Variants in NECAB2 observed in about 807,000 individuals in gnomAD.
The protein encoded by NECAB2 is N-terminal EF-hand calcium binding protein 2.
NECAB2 carries 68 observed loss-of-function variants against 51.9 expected under a neutral mutation model. That is an observed-to-expected ratio of 1.31 (90% CI 1.08 to 1.60). The LOEUF is 1.60. NECAB2 is among the 40% of genes most tolerant of loss of function. NECAB2 has a pLI of 0.00. For missense variants in NECAB2, 854 were observed against 490.3 expected (o/e 1.74, Z -7.00); for synonymous variants, 329 against 203.5 (o/e 1.62, Z -5.25).
intron 5 of NECAB2, among the ~76,000 whole-genome samples, chr16:83,985,826 A>T (rs1293670642): frequency 1.3e-5 from 2 of 152,016 alleles, no homozygotes; most frequent in Non-Finnish European, 2.9e-5. Flanking sequence ...TTTCCATTAC[A>T]TTTGTGTTTG....
chr16:83,967,810 G>A (rs1199604049), upstream of NECAB2, among the ~76,000 whole-genome samples: 2 of 148,830 alleles, frequency 1.3e-5, no homozygotes, highest in Admixed American at 6.7e-5. Context: ...AGGATGAGTG[G>A]GTGGGTGAAT....
chr16:83,993,981 TC>T (rs1453018077), intron 6 of NECAB2, among the ~76,000 whole-genome samples: 1 of 152,122 alleles, frequency 6.6e-6, no homozygotes, highest in Non-Finnish European at 1.5e-5. Flanking sequence ...CCCGAAAGCT[TC>T]GAGCTGTTAG....
chr16:83,997,048 G>A (rs563827043), intron 8 of NECAB2, among the ~76,000 whole-genome samples, 168 bp from the exon 9 acceptor site: 12 of 150,464 alleles, frequency 8.0e-5, no homozygotes, highest in South Asian at 2.1e-4. Flanking sequence ...TAGGCCCCCT[G>A]TAGGCCAGAG....
chr16:83,990,894 C>T (rs1038191753), intron 6 of NECAB2, among the ~76,000 whole-genome samples: 1 of 152,102 alleles, frequency 6.6e-6, no homozygotes, highest in African/African-American at 2.4e-5. Flanking sequence ...AGTGAAGACA[C>T]CATTTCCCAG....
chr16:83,985,377 G>C (rs113780028), intron 5 of NECAB2, among the ~76,000 whole-genome samples: 8,733 of 136,310 alleles, frequency 0.064, 311 homozygotes, highest in Middle Eastern at 0.17. Context: ...GCTCACACCT[G>C]TAATCCCAGC....
chr16:83,966,054 GACCA>G, upstream of NECAB2: 2 of 1,382,362 alleles, frequency 1.4e-6, no homozygotes, highest in Non-Finnish European at 1.9e-6. Flanking sequence ...GGACAGAGAT[GACCA>G]CATCCCTGCT....
rs553894476 is a variant in NECAB2, at chr16:83,999,669, A to G, written c.963-1055A>G. ...GGATTCTGGGGCGGCATAGACTATC[A>G]GCACCTTTAAAATGACGTGAGTGCG... On this transcript the variant is annotated intron_variant, in intron 10 of 12. Transcript: ENST00000305202. 2.8e-4 allele frequency among the ~76,000 whole-genome samples: 43 copies of G among 152,226 alleles called. No individual in the cohort carries two copies. In the South Asian group the frequency reaches 4.8e-3, roughly 17 times the overall value.
intron 5 of NECAB2, among the ~76,000 whole-genome samples, chr16:83,988,576 C>A (rs766250206): frequency 4.6e-5 from 7 of 152,090 alleles, no homozygotes; most frequent in Non-Finnish European, 8.8e-5. Context: ...TTTGAGTGAT[C>A]GCTGTTAGTT....
intron 1 of NECAB2, among the ~76,000 whole-genome samples, chr16:83,970,271 C>A (rs896902313): frequency 3.3e-5 from 5 of 152,154 alleles, no homozygotes; most frequent in African/African-American, 1.2e-4. Flanking sequence ...GTCAGCCCTG[C>A]CATGTCACTC....
chr16:84,000,953 A>G, intron 11 of NECAB2, 152 bp downstream of exon 11: 1 of 679,176 alleles, frequency 1.5e-6, no homozygotes, highest in East Asian at 2.8e-5. Flanking sequence ...TTGCGTCAGT[A>G]AACCCTGGTG....
At chr16:83,979,952 C>T (rs1031391240) in intron 3 of NECAB2, among the ~76,000 whole-genome samples, 2 of 152,140 alleles carry the variant, frequency 1.3e-5, no homozygotes, top group Non-Finnish European at 2.9e-5. Context: ...ATGACAGGGT[C>T]GCTTTCTGCA....
intron 2 of NECAB2, among the ~76,000 whole-genome samples, chr16:83,973,769 C>T (rs1465343380): frequency 6.6e-6 from 1 of 151,290 alleles, no homozygotes; most frequent in Non-Finnish European, 1.5e-5. Context: ...ACTTGGTGGA[C>T]GTGTTTGTTG....
intron 6 of NECAB2, 61 bp from the exon 7 acceptor site, chr16:83,994,241 G>T (rs2084664434): frequency 3.4e-6 from 5 of 1,451,082 alleles, no homozygotes; most frequent in Middle Eastern, 1.7e-4. Flanking sequence ...GAAGATGCTG[G>T]AAGTGGTAAG....
Position 84,002,458 on chromosome 16 carries a change from T to C in NECAB2, c.*112T>C, listed in dbSNP as rs2084857738. The C allele has an allele frequency of 7.2e-7, 1 of 1,392,376 alleles. No individual in the cohort carries two copies. Among genetic ancestry groups the C allele is most frequent in the African/African-American group, 1.4e-5 (1 of 69,652 alleles). The allele number at this position is 1,392,376 out of a possible 1,614,324, so 86.3% of individuals were successfully genotyped here. ...GCAGAAGCTTCTTTTCAATCCATCCTCCACAAGAAGGTGTTTCCCTGTTGT... is the reference window on the plus strand; with the variant it reads ...GCAGAAGCTTCTTTTCAATCCATCCCCCACAAGAAGGTGTTTCCCTGTTGT... On this transcript the variant is annotated 3_prime_UTR_variant, in exon 13 of 13. Transcript: ENST00000305202.
chr16:83,998,175 C>T (rs933342925), intron 9 of NECAB2, 30 bp from the exon 10 acceptor site: 3 of 1,592,994 alleles, frequency 1.9e-6, no homozygotes, highest in Non-Finnish European at 2.6e-6. Context: ...TGACGTGGAG[C>T]CCCACACTGA....
chr16:83,972,833 C>T (rs2084363867), intron 2 of NECAB2, among the ~76,000 whole-genome samples: 1 of 152,192 alleles, frequency 6.6e-6, no homozygotes, highest in South Asian at 2.1e-4. Flanking sequence ...GCAGAAGGAG[C>T]CCAGGCCTTG....
At chr16:83,989,550 C>T (rs1333283606) in intron 5 of NECAB2, among the ~76,000 whole-genome samples, 1 of 152,186 alleles carries the variant, frequency 6.6e-6, no homozygotes, top group Non-Finnish European at 1.5e-5. Flanking sequence ...GTGCCTGGGG[C>T]AGGTGGCTTG....
At chr16:83,973,323 G>T (rs546966204) in intron 2 of NECAB2, among the ~76,000 whole-genome samples, 1 of 152,140 alleles carries the variant, frequency 6.6e-6, no homozygotes, top group Non-Finnish European at 1.5e-5. Context: ...CTCCCACCCA[G>T]GGCGGTTGCA....
At chr16:83,995,924 C>T (rs571055921) in intron 8 of NECAB2, among the ~76,000 whole-genome samples, 5 of 152,214 alleles carry the variant, frequency 3.3e-5, no homozygotes, top group African/African-American at 1.2e-4. Flanking sequence ...GAGGGAGACT[C>T]TGAAGCTTAT....
Sources: allele counts gnomAD v4.1 joint callset (sites outside exome capture counted in the v4.1 genomes callset), GRCh38; gene constraint gnomAD v4.1.1; transcripts MANE v1.5; gene names NCBI Gene and HGNC (gene_info 2026-07-23, HGNC 2026-07-21).